LRP1B: variants seen among roughly 807,000 people sequenced by gnomAD.
The protein encoded by LRP1B is low-density lipoprotein receptor-related protein 1B.
In LRP1B, 217 loss-of-function variants were observed where a neutral mutation model predicts 556.6. That is an observed-to-expected ratio of 0.39 (90% CI 0.35 to 0.44). LRP1B has a LOEUF of 0.44. Ranked by LOEUF, LRP1B falls within the 20% of genes least tolerant of loss-of-function variation. LRP1B has a pLI of 1.00. For synonymous variants in LRP1B, 2,047 were observed against 1,865.8 expected (o/e 1.10, Z -2.50); for missense variants, 5,053 against 5,620.8 (o/e 0.90, Z 3.23).
At chr2:141,555,330 A>G (rs964441196) in intron 2 of LRP1B, among the ~76,000 whole-genome samples, 2 of 152,010 alleles carry the variant, frequency 1.3e-5, no homozygotes, top group Non-Finnish European at 2.9e-5. Context: ...CAAATTACTT[A>G]GCCACAATTA....
chr2:140,509,724 C>T (rs1444351983), intron 52 of LRP1B, among the ~76,000 whole-genome samples: 4 of 152,172 alleles, frequency 2.6e-5, no homozygotes, highest in Middle Eastern at 3.2e-3. Context: ...TCCGACTGTG[C>T]ATGTTTGAAA....
At position 140,253,508 on chromosome 2, in the gene LRP1B, TTTG is replaced by T. The variant is rs376911584; in HGVS notation, c.13248-6349_13248-6347del. Reference sequence around the variant, plus strand: ...CCAACAAATGATTCATAAAAGGAAGTTTGTTAAGTTTGAGTGATTTAAGTTAGA... The same window carrying T: ...CCAACAAATGATTCATAAAAGGAAGTTTAAGTTTGAGTGATTTAAGTTAGA... On this transcript the variant is annotated intron_variant, in intron 86 of 90. Coordinates refer to ENST00000389484, the MANE Select transcript of LRP1B (RefSeq NM_018557.3). Among the ~76,000 whole-genome samples the T allele has an allele frequency of 2.8e-4, 43 of 152,066 alleles. No homozygotes were observed. The East Asian group carries it at 7.0e-3, about 25-fold the overall frequency.
intron 35 of LRP1B, among the ~76,000 whole-genome samples, chr2:140,724,983 G>T (rs927333722): frequency 5.9e-5 from 9 of 152,036 alleles, no homozygotes; most frequent in African/African-American, 2.2e-4. Context: ...GAACTTAATA[G>T]GTAGGCCCAG....
At chr2:140,281,166 T>C (rs916890823) in intron 84 of LRP1B, among the ~76,000 whole-genome samples, 11 of 151,968 alleles carry the variant, frequency 7.2e-5, no homozygotes, top group African/African-American at 2.4e-4. Context: ...CAAGTAAATA[T>C]ATTTTCCTTT....
intron 7 of LRP1B, among the ~76,000 whole-genome samples, chr2:141,096,629 G>GAGAGAGGGA (rs1558858138): frequency 1.7e-5 from 1 of 59,744 alleles, no homozygotes; most frequent in African/African-American, 7.3e-5. Flanking sequence ...GGGGAGAGGG[G>GAGAGAGGGA]GAGAGAGAGA....
chr2:141,726,620 G>C (rs1185862227), intron 2 of LRP1B, among the ~76,000 whole-genome samples: 1 of 152,020 alleles, frequency 6.6e-6, no homozygotes, highest in Non-Finnish European at 1.5e-5. Context: ...ATTAATATAA[G>C]TTAGACAGAA....
intron 7 of LRP1B, among the ~76,000 whole-genome samples, chr2:141,103,189 A>G (rs1700509247): frequency 6.6e-6 from 1 of 152,080 alleles, no homozygotes; most frequent in Non-Finnish European, 1.5e-5. Context: ...TTTAAGGATT[A>G]TATGATTCAC....
intron 3 of LRP1B, among the ~76,000 whole-genome samples, chr2:141,394,277 A>G (rs6429871): frequency 0.032 from 4,873 of 152,228 alleles, 260 homozygotes; most frequent in African/African-American, 0.11. Context: ...GTAAACTTTC[A>G]GGACTTTTCT....
chr2:140,892,895 G>C (rs1693841073), intron 23 of LRP1B, among the ~76,000 whole-genome samples: 1 of 152,038 alleles, frequency 6.6e-6, no homozygotes, highest in South Asian at 2.1e-4. Flanking sequence ...ATGACAGACT[G>C]TAATATGTAT....
chr2:141,136,999 T>C (rs546215721), intron 7 of LRP1B, among the ~76,000 whole-genome samples: 155 of 151,526 alleles, frequency 1.0e-3, no homozygotes, highest in African/African-American at 3.0e-3. Context: ...ACTGTCAAAA[T>C]AATGATTCTA....
intron 2 of LRP1B, among the ~76,000 whole-genome samples, chr2:141,541,203 A>G (rs550763840): frequency 5.3e-5 from 8 of 152,148 alleles, no homozygotes; most frequent in African/African-American, 1.7e-4. Context: ...TTTCCAATAG[A>G]GGTTCCAGGT....
At chr2:141,481,161 T>C (rs1682905815) in intron 2 of LRP1B, among the ~76,000 whole-genome samples, 1 of 152,206 alleles carries the variant, frequency 6.6e-6, no homozygotes, top group Admixed American at 6.5e-5. Context: ...ACTCATTGTT[T>C]TTACACACCA....
At chr2:141,621,533 C>A (rs181182544) in intron 2 of LRP1B, among the ~76,000 whole-genome samples, 2 of 152,080 alleles carry the variant, frequency 1.3e-5, no homozygotes, top group African/African-American at 4.8e-5. Context: ...TTAAACTACA[C>A]GTAAGATTAA....
chr2:141,177,652 A>G (rs1574157789), intron 7 of LRP1B, among the ~76,000 whole-genome samples: 1 of 152,268 alleles, frequency 6.6e-6, no homozygotes, highest in East Asian at 1.9e-4. Flanking sequence ...GAAGGGAAGA[A>G]TTGGCTGGTT....
chr2:140,988,242 G>A (rs982451830), intron 17 of LRP1B, among the ~76,000 whole-genome samples: 1 of 151,994 alleles, frequency 6.6e-6, no homozygotes, highest in African/African-American at 2.4e-5. Context: ...TAGCTTGGAG[G>A]GTAGGGACTT....
At chr2:140,577,655 A>G (rs13019155) in intron 43 of LRP1B, among the ~76,000 whole-genome samples, 20,017 of 151,942 alleles carry the variant, frequency 0.13, 1,395 homozygotes, top group East Asian at 0.23. Context: ...TCCTGGGCTC[A>G]GGGGATTTTC....
chr2:140,511,456 C>A (rs7585210), intron 51 of LRP1B, among the ~76,000 whole-genome samples: 105,709 of 151,672 alleles, frequency 0.7, 37,182 homozygotes, highest in Middle Eastern at 0.82. Flanking sequence ...CGCCCGCCTC[C>A]ACGCCCGGCT....
intron 2 of LRP1B, among the ~76,000 whole-genome samples, chr2:141,750,815 G>C (rs1694080393): frequency 6.6e-6 from 1 of 151,940 alleles, no homozygotes; most frequent in Non-Finnish European, 1.5e-5. Flanking sequence ...AGAAAAATCA[G>C]TGTCATTGAA....
chr2:141,782,706 CAT>C (rs1246659798), intron 2 of LRP1B, among the ~76,000 whole-genome samples: 1 of 151,878 alleles, frequency 6.6e-6, no homozygotes, highest in East Asian at 1.9e-4. Flanking sequence ...ACAAACATAA[CAT>C]ATGTTCATGA....
Sources: allele counts gnomAD v4.1 joint callset (sites outside exome capture counted in the v4.1 genomes callset), GRCh38; gene constraint gnomAD v4.1.1; transcripts MANE v1.5; gene names NCBI Gene and HGNC (gene_info 2026-07-23, HGNC 2026-07-21).